The following MTSS1 variants were observed in gnomAD, a reference collection of about 807,000 sequenced individuals.
MTSS1 encodes protein MTSS 1.
MTSS1 carries 18 observed loss-of-function variants against 79.0 expected under a neutral mutation model. The ratio of observed to expected loss-of-function variants is 0.23; its 90% confidence interval spans 0.16 to 0.34. The LOEUF is 0.34. MTSS1 is among the 10% of genes least tolerant of loss of function. The pLI is 1.00. For missense variants in MTSS1, 815 were observed against 986.2 expected, an observed-to-expected ratio of 0.83 and a Z score of 2.33; for synonymous variants, 341 against 368.6, an observed-to-expected ratio of 0.93 and a Z score of 0.86.
intron 5 of MTSS1, among the ~76,000 whole-genome samples, chr8:124,585,934 G>C (rs980729914): frequency 6.6e-6 from 1 of 152,170 alleles, no homozygotes; most frequent in South Asian, 2.1e-4. Flanking sequence ...ACACAGTGGG[G>C]AGACTGGGCA....
intron 10 of MTSS1, among the ~76,000 whole-genome samples, 184 bp downstream of exon 10, chr8:124,562,598 A>C (rs1318430184): frequency 6.6e-6 from 1 of 152,194 alleles, no homozygotes; most frequent in African/African-American, 2.4e-5. Flanking sequence ...CAGGCTTCAA[A>C]CCCACTTATA....
intron 3 of MTSS1, among the ~76,000 whole-genome samples, chr8:124,617,669 T>C (rs1357515632): frequency 1.3e-5 from 2 of 152,134 alleles, no homozygotes; most frequent in Non-Finnish European, 2.9e-5. Context: ...CTGGGCACCC[T>C]CTGCGAGCTC....
intron 3 of MTSS1, among the ~76,000 whole-genome samples, chr8:124,667,765 C>T (rs1274132391): frequency 6.6e-6 from 1 of 152,204 alleles, no homozygotes; most frequent in Non-Finnish European, 1.5e-5. Context: ...ACAGCTACTG[C>T]ACTCCGAGCT....
chr8:124,567,788 A>G (rs1364622557), intron 7 of MTSS1: 7 of 1,529,218 alleles, frequency 4.6e-6, no homozygotes, highest in Non-Finnish European at 6.1e-6. Context: ...GAACAACTCA[A>G]ATTCAGACAT....
intron 3 of MTSS1, among the ~76,000 whole-genome samples, chr8:124,656,681 G>A (rs1820998660): frequency 6.6e-6 from 1 of 151,022 alleles, no homozygotes; most frequent in African/African-American, 2.4e-5. Context: ...AGGAGGCTGA[G>A]GCAGGAGAAT....
chr8:124,666,622 C>T (rs768743458), intron 3 of MTSS1, among the ~76,000 whole-genome samples: 5 of 152,122 alleles, frequency 3.3e-5, no homozygotes, highest in African/African-American at 9.7e-5. Flanking sequence ...TCTAGGGAGG[C>T]AGTCCATAGC....
chr8:124,607,561 G>C (rs1835087327), intron 3 of MTSS1, among the ~76,000 whole-genome samples: 1 of 152,180 alleles, frequency 6.6e-6, no homozygotes, highest in South Asian at 2.1e-4. Flanking sequence ...CAAGTATGAG[G>C]CTTGCGCAGG....
Position 124,597,444 on chromosome 8 carries a change from G to A in MTSS1, c.209-6209C>T, listed in dbSNP as rs60619528. Among the ~76,000 whole-genome samples the A allele has an allele frequency of 6.6e-6, 1 of 152,188 alleles. No homozygotes were observed. The highest frequency in any genetic ancestry group is 2.1e-4 in the South Asian group (1 of 4,828). ...AATTGTTTAATGCATATTTGGGGGG[G>A]TAGGGAGGAAATAAGAAAAGCAAAG... On this transcript the variant is annotated intron_variant, in intron 3 of 13. Coordinates refer to ENST00000518547, the MANE Select transcript of MTSS1 (RefSeq NM_014751.6). This position sits in a 1 kb window ranked among gnomAD's most constrained non-coding sequence, Gnocchi z 4.6.
chr8:124,563,836 G>T (rs1314419479), intron 9 of MTSS1, among the ~76,000 whole-genome samples: 2 of 152,134 alleles, frequency 1.3e-5, no homozygotes, highest in Non-Finnish European at 2.9e-5. Context: ...CCACTCAAAA[G>T]AAACATGCTC....
intron 3 of MTSS1, among the ~76,000 whole-genome samples, chr8:124,680,922 A>C (rs922718554): frequency 4.6e-5 from 7 of 152,180 alleles, no homozygotes; most frequent in African/African-American, 1.7e-4. Flanking sequence ...AAGGTCACCA[A>C]GACCCTCCTG....
At chr8:124,632,297 A>G (rs867255565) in intron 3 of MTSS1, among the ~76,000 whole-genome samples, 3,858 of 150,668 alleles carry the variant, frequency 0.026, 161 homozygotes, top group African/African-American at 0.089. Flanking sequence ...AAAAAAAAAA[A>G]AGGTAAGGAA....
chr8:124,629,438 A>G (rs569897942), intron 3 of MTSS1, among the ~76,000 whole-genome samples: 1 of 144,350 alleles, frequency 6.9e-6, no homozygotes, highest in African/African-American at 2.6e-5. Context: ...AATGGCGTTA[A>G]CCCAGAGGTG....
At chr8:124,662,610 C>G (rs932929536) in intron 3 of MTSS1, among the ~76,000 whole-genome samples, 4 of 149,580 alleles carry the variant, frequency 2.7e-5, no homozygotes, top group African/African-American at 9.8e-5. Context: ...TACGTACTGT[C>G]AAACAGCTAC....
chr8:124,637,792 G>A lies in MTSS1; in HGVS notation c.209-46557C>T, dbSNP rs926959665. Among the ~76,000 whole-genome samples the A allele has an allele frequency of 5.9e-5, 9 of 152,306 alleles. No individual in the cohort carries two copies. The South Asian group carries it at 1.2e-3, about 21-fold the overall frequency. The stretch of plus-strand genomic sequence containing the variant: ...CACAAGCTAAACAGCTGTTTTTTGT[G>A]GTTATATTTTGGATGTATACACTTG... On this transcript the variant is annotated intron_variant, in intron 3 of 13. Transcript: ENST00000518547.
intron 3 of MTSS1, among the ~76,000 whole-genome samples, chr8:124,648,352 T>C (rs1801894307): frequency 6.6e-6 from 1 of 152,146 alleles, no homozygotes; most frequent in African/African-American, 2.4e-5. Context: ...TTTAGCTCTC[T>C]TCTGTTACAA....
chr8:124,649,163 T>C (rs945181958), intron 3 of MTSS1, among the ~76,000 whole-genome samples: 8 of 152,270 alleles, frequency 5.3e-5, no homozygotes, highest in African/African-American at 1.2e-4. Context: ...TAAAGTTTTA[T>C]TGAAAGACAG....
At chr8:124,712,490 G>A (rs1280741726) in intron 1 of MTSS1, among the ~76,000 whole-genome samples, 1 of 152,202 alleles carries the variant, frequency 6.6e-6, no homozygotes, top group Non-Finnish European at 1.5e-5. Context: ...AAGTGGGCGT[G>A]TGGGATGACA....
At chr8:124,637,216 A>G (rs1233708423) in intron 3 of MTSS1, among the ~76,000 whole-genome samples, 4 of 152,208 alleles carry the variant, frequency 2.6e-5, no homozygotes, top group African/African-American at 9.6e-5. Flanking sequence ...TACTCCCTCA[A>G]TATGAAGAGC....
chr8:124,568,706 G>A, intron 6 of MTSS1, 170 bp from the exon 7 acceptor site: 1 of 1,472,026 alleles, frequency 6.8e-7, no homozygotes, highest in Non-Finnish European at 9.1e-7. Flanking sequence ...TCTAGGACCA[G>A]CCATTTCCAA....
Sources: allele counts gnomAD v4.1 joint callset (sites outside exome capture counted in the v4.1 genomes callset), GRCh38; gene constraint gnomAD v4.1.1; non-coding constraint Gnocchi (gnomAD v3.1); transcripts MANE v1.5; gene names NCBI Gene and HGNC (gene_info 2026-07-23, HGNC 2026-07-21).